Variants in BCAP31 observed in about 807,000 individuals in gnomAD.
BCAP31 encodes the protein B-cell receptor-associated protein 31.
For missense variants in BCAP31, 124 were observed against 193.0 expected (o/e 0.64, Z 2.12); for synonymous variants, 75 against 80.9 (o/e 0.93, Z 0.39).
Position 153,723,286 on chromosome X carries a change from T to C in BCAP31, c.-42A>G. 1 of 1,195,785 alleles carries C rather than the reference T, an allele frequency of 8.4e-7. No individual in the cohort carries two copies. The highest frequency in any genetic ancestry group is 1.1e-6 in the Non-Finnish European group (1 of 887,232). On this transcript the variant is annotated splice_region_variant and 5_prime_UTR_variant, in exon 2 of 8. Transcript: ENST00000345046. ...TTCCCACAGGAAGATGTGAGCTTGT[T>C]TCCTGGCAGGGCACAAAAGGTACGG...
chrX:153,723,203 C>T lies in BCAP31; in HGVS notation c.42G>A (p.Ala14=), dbSNP rs782120731. ...QWTAVATFLY[A]EVFVVLLLCI... ...AGAGAAGCAACACAACAAAGACCTC[C>T]GCATAGAGGAAGGTGGCAACTGCAG... is the stretch of plus-strand genomic sequence containing the variant. Residue 14 remains alanine, a synonymous_variant, in exon 2 of 8, where the codon GCG becomes GCA. Coordinates refer to ENST00000345046, the MANE Select transcript of BCAP31 (RefSeq NM_001256447.2). The T allele has an allele frequency of 9.9e-6, 12 of 1,208,732 alleles. 1 individual carries two copies. The highest frequency in any genetic ancestry group is 1.8e-5 in the African/African-American group (1 of 57,103).
At position 153,700,760 on chromosome X, in the gene BCAP31, T is replaced by C; in HGVS notation, c.*177A>G. On this transcript the variant is annotated 3_prime_UTR_variant, in exon 8 of 8. Transcript: ENST00000345046. Reference sequence around the variant, plus strand: ...CTGAACGTGTAGCAATCAGGTCCCCTGTAATGTGCTTGGAGAGTGTGGACA... The same window carrying C: ...CTGAACGTGTAGCAATCAGGTCCCCCGTAATGTGCTTGGAGAGTGTGGACA... 6.8e-6 allele frequency: 3 copies of C among 444,307 alleles called. No individual in the cohort carries two copies. The highest frequency in any genetic ancestry group is 7.7e-6 in the Non-Finnish European group (2 of 258,715). The allele number at this position is 444,307 out of a possible 1,213,427, so 36.6% of individuals were successfully genotyped here. A position where few individuals can be genotyped will look rare whatever the true frequency, so the allele number is the denominator to read the frequency against.
chrX:153,715,407 C>G, intron 4 of BCAP31, 135 bp downstream of exon 4: 1 of 971,271 alleles, frequency 1.0e-6, no homozygotes, highest in Non-Finnish European at 1.4e-6. Context: ...CTAACACAGA[C>G]AGGGCTTTGG....
chrX:153,706,165 C>T (rs2091553361), intron 4 of BCAP31, among the ~76,000 whole-genome samples: 1 of 111,307 alleles, frequency 9.0e-6, no homozygotes. Context: ...TCCCCTTCCT[C>T]TTGCCAACCC....
In BCAP31 at chrX:153,708,092, G is replaced by A. The variant is rs1425723180; in HGVS notation, c.342-3998C>T. 5.3e-5 allele frequency among the ~76,000 whole-genome samples: 6 copies of A among 113,044 alleles called. 1 individual carries two copies. The highest frequency in any genetic ancestry group is 2.8e-4 in the Admixed American group (3 of 10,765). ...GGGGTCCAAAAAAAGGCCAGTGAAC[G>A]AAACTTAACAGAATCCAGATGTGGC... On this transcript the variant is annotated intron_variant, in intron 4 of 7. Transcript: ENST00000345046.
At chrX:153,709,194 T>TA (rs1223005322) in intron 4 of BCAP31, among the ~76,000 whole-genome samples, 1 of 111,410 alleles carries the variant, frequency 9.0e-6, no homozygotes, top group African/African-American at 3.3e-5. Context: ...TAGGCAAAGG[T>TA]AGTCTGTGAT....
intron 1 of BCAP31, chrX:153,723,910 G>A (rs2091687989): frequency 4.0e-6 from 2 of 500,836 alleles, no homozygotes; most frequent in Non-Finnish European, 7.2e-6. Context: ...ACTCCTAGAG[G>A]GCAGGATTCG....
chrX:153,705,427 A>AC (rs1227175768), intron 4 of BCAP31: 8 of 112,614 alleles, frequency 7.1e-5, no homozygotes, highest in African/African-American at 1.9e-4. Context: ...GCACCAGGAG[A>AC]GCCAGGCCGT....
chrX:153,701,899 G>T, intron 7 of BCAP31, 108 bp downstream of exon 7: 1 of 699,343 alleles, frequency 1.4e-6, no homozygotes. Flanking sequence ...GAGTGGTGGA[G>T]AGGGCAGCCA....
intron 1 of BCAP31, chrX:153,723,709 G>A: frequency 8.8e-7 from 1 of 1,136,868 alleles, no homozygotes; most frequent in Non-Finnish European, 1.2e-6. Flanking sequence ...CGCAGAGGCG[G>A]GCGCTCTGCG....
chrX:153,720,227 C>T (rs189499491), intron 3 of BCAP31, among the ~76,000 whole-genome samples: 193 of 111,672 alleles, frequency 1.7e-3, no homozygotes, highest in Middle Eastern at 4.6e-3. Flanking sequence ...GGCTTCAGTT[C>T]TAGAGTGACC....
chrX:153,710,488 C>G (rs1359082005), intron 4 of BCAP31, among the ~76,000 whole-genome samples: 4 of 111,727 alleles, frequency 3.6e-5, no homozygotes, highest in Non-Finnish European at 7.5e-5. Flanking sequence ...GTTGGGCAGT[C>G]ACATGGGACA....
At chrX:153,713,878 A>C (rs1486780923) in intron 4 of BCAP31, among the ~76,000 whole-genome samples, 10 of 74,700 alleles carry the variant, frequency 1.3e-4, no homozygotes, top group African/African-American at 5.8e-4. Context: ...TCCCGATACT[A>C]TTCTTTTTTT....
At position 153,701,993 on chromosome X, in the gene BCAP31, A is replaced by G. The variant is rs782360336; in HGVS notation, c.702+14T>C. 21 of 1,205,069 alleles carry G rather than the reference A, an allele frequency of 1.7e-5. No individual in the cohort carries two copies. Among genetic ancestry groups the G allele is most frequent in the Middle Eastern group, 2.4e-4 (1 of 4,143 alleles). The stretch of plus-strand genomic sequence containing the variant: ...GCTCTCCTGCCCTGGGCGCAGCAAT[A>G]CGGGAGGGCTGACCTGCAGCTTTGC... On this transcript the variant is annotated intron_variant, in intron 7 of 7. Coordinates refer to ENST00000345046, the MANE Select transcript of BCAP31 (RefSeq NM_001256447.2).
At chrX:153,715,359 G>C in intron 4 of BCAP31, 183 bp downstream of exon 4, 1 of 615,409 alleles carries the variant, frequency 1.6e-6, no homozygotes, top group Non-Finnish European at 2.5e-6. Context: ...TACTCTCCAC[G>C]CTGCCTCTGG....
At chrX:153,719,042 AG>A (rs1457466808) in intron 3 of BCAP31, among the ~76,000 whole-genome samples, 2 of 112,226 alleles carry the variant, frequency 1.8e-5, no homozygotes, top group African/African-American at 6.5e-5. Context: ...AGTAGGAAGC[AG>A]CCAGTCATCA....
At chrX:153,713,872 G>A (rs1469435407) in intron 4 of BCAP31, among the ~76,000 whole-genome samples, 3 of 101,796 alleles carry the variant, frequency 2.9e-5, no homozygotes, top group Non-Finnish European at 5.9e-5. Context: ...TCACCTTCCC[G>A]ATACTATTCT....
intron 3 of BCAP31, 81 bp from the exon 4 acceptor site, chrX:153,715,770 T>C: frequency 9.0e-7 from 1 of 1,109,058 alleles, no homozygotes; most frequent in East Asian, 3.0e-5. Context: ...ACAGGCGGCA[T>C]GAGACAGGTC....
At position 153,724,346 on chromosome X, in the gene BCAP31, A is replaced by G. The variant is rs1344561430; in HGVS notation, c.-57T>C. The G allele has an allele frequency of 6.6e-6, 1 of 152,068 alleles. No individual in the cohort carries two copies. Among genetic ancestry groups the G allele is most frequent in the Non-Finnish European group, 1.3e-5 (1 of 79,660 alleles). 12.5% of individuals were successfully genotyped at this position (152,068 alleles called of 1,213,427 possible). On this transcript the variant is annotated 5_prime_UTR_variant, in exon 1 of 8. Coordinates refer to ENST00000345046, the MANE Select transcript of BCAP31 (RefSeq NM_001256447.2). Reference sequence around the variant, plus strand: ...GGAGCCCGCTCACCGAGTTTCCCACAGTCAACGTGCAGGCCCCGCCGCAGC... The same window carrying G: ...GGAGCCCGCTCACCGAGTTTCCCACGGTCAACGTGCAGGCCCCGCCGCAGC...
Sources: gnomAD v4.1 joint callset for allele counts (sites outside exome capture counted in the v4.1 genomes callset) on GRCh38, gnomAD v4.1.1 for gene constraint, MANE v1.5 for transcripts, NCBI Gene and HGNC (gene_info 2026-07-23, HGNC 2026-07-21) for gene names.